Variants in COMMD5 observed in about 807,000 individuals in gnomAD.
COMMD5 encodes the protein COMM domain-containing protein 5.
In COMMD5, 10 loss-of-function variants were observed where a neutral mutation model predicts 6.9. The observed-to-expected ratio is 1.44, with a 90% CI of 0.89 to 2.45. The LOEUF is 2.45. Among genes scored for constraint, COMMD5 ranks in the 30% most tolerant of loss-of-function variants. COMMD5 has a pLI of 0.00. For synonymous variants in COMMD5, 127 were observed against 125.3 expected, an observed-to-expected ratio of 1.01 and a Z score of -0.09; for missense variants, 234 against 287.8, an observed-to-expected ratio of 0.81 and a Z score of 1.35.
downstream of COMMD5, among the ~76,000 whole-genome samples, chr8:144,839,327 A>T (rs1033444445): frequency 2.6e-5 from 4 of 152,210 alleles, no homozygotes; most frequent in African/African-American, 4.8e-5. Context: ...TCTGCATGTG[A>T]TGTGTGGGAA....
At chr8:144,848,352 C>T (rs939748245), downstream of COMMD5, among the ~76,000 whole-genome samples, 8 of 151,912 alleles carry the variant, frequency 5.3e-5, no homozygotes, top group Non-Finnish European at 8.8e-5. Context: ...TCATTGGAGG[C>T]CAGGCTCGGT....
downstream of COMMD5, chr8:144,838,277 G>A (rs1219377992): frequency 3.3e-6 from 2 of 600,610 alleles, no homozygotes; most frequent in Non-Finnish European, 6.0e-6. Context: ...GTGACCTCAT[G>A]GTGACTAATT....
At chr8:144,844,492 T>C (rs2975304) in intron 1 of COMMD5, among the ~76,000 whole-genome samples, 59,896 of 151,250 alleles carry the variant, frequency 0.4, 12,271 homozygotes, top group African/African-American at 0.51. Flanking sequence ...GGGTGGATCA[T>C]GAGGTCAGGA....
At chr8:144,846,164 A>T (rs759996271), downstream of COMMD5, 4 of 1,536,042 alleles carry the variant, frequency 2.6e-6, no homozygotes, top group East Asian at 9.8e-5. Context: ...AACGTCAGCC[A>T]TATGGATGGT....
At chr8:144,844,897 T>G (rs1586852315) in intron 1 of COMMD5, among the ~76,000 whole-genome samples, 7 of 141,404 alleles carry the variant, frequency 5.0e-5, no homozygotes, top group South Asian at 2.3e-4. Context: ...GGAGAGGGAG[T>G]GGGGAAAGAG....
chr8:144,839,436 C>G (rs538486786), downstream of COMMD5, among the ~76,000 whole-genome samples: 2 of 152,346 alleles, frequency 1.3e-5, no homozygotes, highest in African/African-American at 4.8e-5. Flanking sequence ...TATAAGGTGG[C>G]CCAGTTAAAA....
intron 1 of COMMD5, chr8:144,841,776 C>T (rs1586835878): frequency 1.2e-6 from 2 of 1,614,142 alleles, no homozygotes; most frequent in East Asian, 2.2e-5. Context: ...AGAAAATTAG[C>T]AGATGTCAAG....
downstream of COMMD5, chr8:144,838,867 AGGAGGCAGAGCTTGCAGTGAG>A (rs1469359833): frequency 1.4e-4 from 5 of 35,870 alleles, no homozygotes; most frequent in Non-Finnish European, 4.1e-4. Context: ...GTGTGAGCCC[AGGAGGCAGAGCTTGCAGTGAG>A]CCGAGATTGC....
At chr8:144,846,393 A>G (rs1830512925), downstream of COMMD5, 2 of 555,630 alleles carry the variant, frequency 3.6e-6, no homozygotes, top group Non-Finnish European at 6.3e-6. Context: ...TTTGAAAACT[A>G]TGTTAAAATC....
At chr8:144,842,591 A>C (rs1170444381) in intron 1 of COMMD5, 1 of 1,614,194 alleles carries the variant, frequency 6.2e-7, no homozygotes, top group Non-Finnish European at 8.5e-7. Context: ...ACTGGAGAGA[A>C]ACCCTATGTG....
chr8:144,844,709 CAAAAAAAAAAAAA>C (rs71320849), intron 1 of COMMD5, among the ~76,000 whole-genome samples: 7 of 88,618 alleles, frequency 7.9e-5, no homozygotes, highest in African/African-American at 2.1e-4. Flanking sequence ...GACTCTGTAT[CAAAAAAAAAAAAA>C]AAAAAAAAAA....
intron 1 of COMMD5, chr8:144,842,348 AGT>A (rs1217852911): frequency 6.2e-7 from 1 of 1,613,998 alleles, no homozygotes; most frequent in South Asian, 1.1e-5. Flanking sequence ...AAACCATTTA[AGT>A]GTGATGAGTG....
At chr8:144,848,306 A>T (rs977164778), downstream of COMMD5, among the ~76,000 whole-genome samples, 2 of 152,008 alleles carry the variant, frequency 1.3e-5, no homozygotes, top group Non-Finnish European at 2.9e-5. Flanking sequence ...CTTGTCTCAA[A>T]AAAAAAGGAA....
At chr8:144,843,668 A>C (rs1325859642) in intron 1 of COMMD5, 2 of 152,284 alleles carry the variant, frequency 1.3e-5, no homozygotes, top group Non-Finnish European at 1.5e-5. Context: ...TAACCTGTTC[A>C]ATAAAGCCTG....
At chr8:144,841,560 CTGTT>C (rs777572087) in exon 2 of COMMD5, 2 of 1,614,076 alleles carry the variant, frequency 1.2e-6, no homozygotes, top group Non-Finnish European at 1.7e-6. Flanking sequence ...TCCAAAATAA[CTGTT>C]TGAATGAGGA....
downstream of COMMD5, chr8:144,838,658 T>C (rs1302153211): frequency 6.5e-6 from 1 of 152,976 alleles, no homozygotes; most frequent in Non-Finnish European, 1.5e-5. Flanking sequence ...GTAGGGGCCG[T>C]GGAGCCGGGC....
chr8:144,842,096 G>A, intron 1 of COMMD5: 1 of 1,614,172 alleles, frequency 6.2e-7, no homozygotes, highest in East Asian at 2.2e-5. Context: ...ATCCACACAG[G>A]AGAGAGGCCC....
downstream of COMMD5, among the ~76,000 whole-genome samples, chr8:144,849,581 C>T (rs1410240790): frequency 1.3e-5 from 2 of 152,152 alleles, no homozygotes; most frequent in Non-Finnish European, 2.9e-5. Context: ...AAGTGCTCCA[C>T]GGAGGCAGGA....
chr8:144,843,013 T>C (rs1436964348), intron 1 of COMMD5: 3 of 1,614,102 alleles, frequency 1.9e-6, no homozygotes, highest in African/African-American at 2.7e-5. Flanking sequence ...ACTGCATCAG[T>C]GTGAAGACTG....
Sources: gnomAD v4.1 joint callset for allele counts (sites outside exome capture counted in the v4.1 genomes callset) on GRCh38, gnomAD v4.1.1 for gene constraint, MANE v1.5 for transcripts, NCBI Gene and HGNC (gene_info 2026-07-23, HGNC 2026-07-21) for gene names.